Variants in PIR observed in about 807,000 individuals in gnomAD.
PIR encodes the protein pirin, also known as pirin (iron-binding nuclear protein).
A neutral mutation model predicts 24.2 loss-of-function variants in PIR; 22 were observed. The ratio of observed to expected loss-of-function variants is 0.91; its 90% CI spans 0.65 to 1.30. The LOEUF is 1.30. Ranked by LOEUF, PIR falls within the 50% of genes most tolerant of loss-of-function variation. The pLI is 0.00. For missense variants in PIR, 220 were observed against 220.3 expected, an observed-to-expected ratio of 1.00 and a Z score of 0.01; for synonymous variants, 80 against 79.6, an observed-to-expected ratio of 1.00 and a Z score of -0.03.
At chrX:15,490,536 C>T (rs1189910326) in intron 2 of PIR, among the ~76,000 whole-genome samples, 1 of 111,722 alleles carries the variant, frequency 9.0e-6, no homozygotes, top group Non-Finnish European at 1.9e-5. Flanking sequence ...AGACTTATTT[C>T]CCCCACAAAT....
intron 3 of PIR, chrX:15,464,250 A>G (rs1318190230): frequency 6.8e-6 from 1 of 147,295 alleles, no homozygotes; most frequent in Non-Finnish European, 1.2e-5. Context: ...GCCCGGATGA[A>G]CATACATCAC....
chrX:15,473,324 C>T, intron 3 of PIR, among the ~76,000 whole-genome samples: 1 of 111,180 alleles, frequency 9.0e-6, no homozygotes, highest in Middle Eastern at 4.7e-3. Context: ...ATGCGTGGAA[C>T]AGCCCCCCCA....
chrX:15,435,971 T>C (rs1207931314), intron 5 of PIR, among the ~76,000 whole-genome samples: 1 of 112,493 alleles, frequency 8.9e-6, no homozygotes, highest in Non-Finnish European at 1.9e-5. Flanking sequence ...GAAAGATTAG[T>C]TTCCATCCCC....
At chrX:15,448,322 T>G (rs1272781762) in intron 5 of PIR, among the ~76,000 whole-genome samples, 2 of 112,456 alleles carry the variant, frequency 1.8e-5, no homozygotes, top group Non-Finnish European at 3.8e-5. Flanking sequence ...TAAACAAGAC[T>G]AGCAGACCTA....
chrX:15,434,713 TG>T (rs974744673), intron 5 of PIR, among the ~76,000 whole-genome samples: 2 of 89,678 alleles, frequency 2.2e-5, no homozygotes, highest in African/African-American at 8.5e-5. Flanking sequence ...ATGAGAGGTT[TG>T]TTTTTTTTTT....
intron 9 of PIR, among the ~76,000 whole-genome samples, chrX:15,387,038 T>G (rs771924625): frequency 2.8e-5 from 3 of 106,005 alleles, no homozygotes; most frequent in Admixed American, 2.0e-4. Flanking sequence ...GGTGTTCAGT[T>G]CTGGATATTT....
At chrX:15,471,815 A>C (rs1310270729) in intron 3 of PIR, among the ~76,000 whole-genome samples, 2 of 112,125 alleles carry the variant, frequency 1.8e-5, no homozygotes, top group Admixed American at 1.9e-4. Flanking sequence ...TGCAATTTGA[A>C]AGTCCTCTGC....
At chrX:15,467,649 A>G (rs1921671502) in intron 3 of PIR, among the ~76,000 whole-genome samples, 1 of 112,086 alleles carries the variant, frequency 8.9e-6, no homozygotes, top group Admixed American at 9.4e-5. Context: ...GGTATCAAAG[A>G]GTTCTACCTA....
intron 3 of PIR, among the ~76,000 whole-genome samples, chrX:15,465,243 C>A (rs1921502571): frequency 9.9e-6 from 1 of 101,417 alleles, no homozygotes. Flanking sequence ...CTATCTTTTA[C>A]TACTTGAAGC....
At chrX:15,429,001 C>T (rs1489698594) in intron 5 of PIR, among the ~76,000 whole-genome samples, 1 of 111,959 alleles carries the variant, frequency 8.9e-6, no homozygotes, top group Non-Finnish European at 1.9e-5. Flanking sequence ...CAGACTAGAG[C>T]TAAAGAGAAG....
intron 8 of PIR, among the ~76,000 whole-genome samples, chrX:15,396,431 G>A (rs998351071): frequency 9.0e-6 from 1 of 111,707 alleles, no homozygotes; most frequent in African/African-American, 3.3e-5. Context: ...CAGTCCGACT[G>A]CCTCGGCACT....
At chrX:15,444,653 T>C (rs1271720644) in intron 5 of PIR, among the ~76,000 whole-genome samples, 1 of 111,917 alleles carries the variant, frequency 8.9e-6, no homozygotes, top group Non-Finnish European at 1.9e-5. Context: ...AAACACTTAA[T>C]GACAGTCACC....
chrX:15,400,546 G>A (rs182642320), intron 7 of PIR, among the ~76,000 whole-genome samples: 1 of 110,711 alleles, frequency 9.0e-6, no homozygotes, highest in Admixed American at 9.6e-5. Context: ...CCCCTATCAG[G>A]GGAGCTTGCT....
At chrX:15,470,667 T>G (rs1370522632) in intron 3 of PIR, among the ~76,000 whole-genome samples, 2 of 103,843 alleles carry the variant, frequency 1.9e-5, no homozygotes, top group African/African-American at 7.1e-5. Context: ...AATGGTGTGA[T>G]CTCAGCTCAC....
Position 15,479,775 on chromosome X carries a change from C to T in PIR, c.143G>A (p.Gly48Asp). The change falls in exon 3 of 10, where the codon GGT (glycine) becomes GAT (aspartate). Residue 48 changes from glycine to aspartate, a missense_variant. Physicochemically the swap from Gly to Asp is moderately conservative, Grantham distance 94 (BLOSUM62 -1). Transcript: ENST00000380420. ...PFLLFDEFKG[G>D]RPGGFPDHPH... ...ATGATCAGGAAATCCTCCTGGTCTA[C>T]CTCCTTTAAATTCATCAAACAGTAA... The T allele has an allele frequency of 8.4e-7, 1 of 1,184,510 alleles. No individual in the cohort carries two copies. Among genetic ancestry groups the T allele is most frequent in the South Asian group, 1.9e-5 (1 of 53,700 alleles).
chrX:15,472,673 G>T (rs1295218207), intron 3 of PIR, among the ~76,000 whole-genome samples: 1 of 112,118 alleles, frequency 8.9e-6, no homozygotes, highest in Non-Finnish European at 1.9e-5. Context: ...AAGGAAGAAT[G>T]AGAAAAGACT....
At chrX:15,465,469 T>C (rs919110610) in intron 3 of PIR, among the ~76,000 whole-genome samples, 1 of 112,196 alleles carries the variant, frequency 8.9e-6, no homozygotes, top group African/African-American at 3.2e-5. Flanking sequence ...TTTAGGGCAT[T>C]ACATAATCAC....
At position 15,425,892 on chromosome X, in the gene PIR, A is replaced by G; in HGVS notation, c.565+14T>C. On this transcript the variant is annotated intron_variant, in intron 6 of 9. Coordinates refer to ENST00000380420, the MANE Select transcript of PIR (RefSeq NM_001018109.3). ...TTTCCTGACGTGACTACTAAACCCC[A>G]GAACCCATCATACCTTTAGGGATAG... 13 of 1,039,698 alleles carry G rather than the reference A, an allele frequency of 1.3e-5. No individual in the cohort carries two copies. The highest frequency in any genetic ancestry group is 1.8e-5 in the Non-Finnish European group (13 of 739,895). The allele number at this position is 1,039,698 out of a possible 1,213,427, so 85.7% of individuals were successfully genotyped here. A position where few individuals can be genotyped will look rare whatever the true frequency, so the allele number is the denominator to read the frequency against.
intron 5 of PIR, among the ~76,000 whole-genome samples, chrX:15,431,253 GA>G (rs1315513728): frequency 1.8e-5 from 2 of 111,636 alleles, no homozygotes; most frequent in Non-Finnish European, 3.8e-5. Flanking sequence ...TCTAATATTG[GA>G]CATTGTGTTT....
Sources: allele counts gnomAD v4.1 joint callset (sites outside exome capture counted in the v4.1 genomes callset), GRCh38; gene constraint gnomAD v4.1.1; transcripts MANE v1.5; gene names NCBI Gene and HGNC (gene_info 2026-07-23, HGNC 2026-07-21).